PCDH15: variants seen among roughly 807,000 people sequenced by gnomAD.
PCDH15 encodes the protein protocadherin related 15.
PCDH15 carries 129 observed loss-of-function variants against 178.5 expected under a neutral mutation model. That is an observed-to-expected ratio of 0.72 (90% CI 0.63 to 0.84). PCDH15 has a LOEUF of 0.84. PCDH15 is among the 40% of genes least tolerant of loss of function. The pLI, the probability that PCDH15 is intolerant of heterozygous loss-of-function variation, is 0.00. For missense variants in PCDH15, 2,230 were observed against 2,099.9 expected (o/e 1.06, Z -1.21); for synonymous variants, 800 against 732.0 (o/e 1.09, Z -1.50).
rs962986616 is a variant in PCDH15, at chr10:55,353,088, A to G, written c.-155-186437T>C. Among the ~76,000 whole-genome samples the G allele has an allele frequency of 1.4e-4, 21 of 152,242 alleles. 1 individual carries two copies. The highest frequency in any genetic ancestry group is 4.8e-4 in the African/African-American group (20 of 41,560). On this transcript the variant is annotated intron_variant, in intron 2 of 5. Coordinates refer to the PCDH15 transcript ENST00000613346. ...GTTATGAAGTTTTGCCTCATCTACC[A>G]TATTCATCTGATGTCTGACCATCCG...
intron 3 of PCDH15, among the ~76,000 whole-genome samples, chr10:54,401,625 A>G (rs999604247): frequency 6.6e-6 from 1 of 151,886 alleles, no homozygotes; most frequent in Non-Finnish European, 1.5e-5. Flanking sequence ...GAAAGAAATT[A>G]CAGAAATCTA....
chr10:55,111,696 A>T (rs1837508906), intron 2 of PCDH15, among the ~76,000 whole-genome samples: 1 of 152,086 alleles, frequency 6.6e-6, no homozygotes, highest in African/African-American at 2.4e-5. Flanking sequence ...ATACAAAATT[A>T]GCCAGGCGTG....
intron 1 of PCDH15, among the ~76,000 whole-genome samples, chr10:55,213,480 T>C (rs961733627): frequency 6.6e-6 from 1 of 152,054 alleles, no homozygotes; most frequent in African/African-American, 2.4e-5. Flanking sequence ...ATTTTGTTAA[T>C]GTTTATAATA....
chr10:54,822,749 C>T (rs1389528121), intron 3 of PCDH15, among the ~76,000 whole-genome samples: 2 of 151,880 alleles, frequency 1.3e-5, no homozygotes, highest in African/African-American at 2.4e-5. Context: ...TACATTCCTG[C>T]GAACAGGAAT....
chr10:55,000,569 C>A (rs148465462), intron 2 of PCDH15, among the ~76,000 whole-genome samples: 6 of 151,934 alleles, frequency 3.9e-5, no homozygotes, highest in Admixed American at 1.3e-4. Flanking sequence ...ATGAAAATGA[C>A]GGGATTAAGA....
intron 2 of PCDH15, among the ~76,000 whole-genome samples, chr10:55,097,163 C>T (rs1042014553): frequency 6.6e-6 from 1 of 152,060 alleles, no homozygotes; most frequent in African/African-American, 2.4e-5. Flanking sequence ...CACTTACTAA[C>T]CAAGTATAAA....
At chr10:54,503,264 T>TGTGTGGGA (rs35648214) in intron 3 of PCDH15, among the ~76,000 whole-genome samples, 4 of 137,378 alleles carry the variant, frequency 2.9e-5, no homozygotes, top group Middle Eastern at 3.4e-3. Flanking sequence ...TGTGTGTGTG[T>TGTGTGGGA]GATTATATAT....
chr10:55,448,588 T>C (rs1839367798), intron 2 of PCDH15, among the ~76,000 whole-genome samples: 1 of 151,996 alleles, frequency 6.6e-6, no homozygotes, highest in African/African-American at 2.4e-5. Context: ...TTCTTACTAG[T>C]TATTGCAGAC....
chr10:54,521,855 C>T (rs186626531), intron 3 of PCDH15, among the ~76,000 whole-genome samples: 1 of 151,730 alleles, frequency 6.6e-6, no homozygotes, highest in Non-Finnish European at 1.5e-5. Context: ...TTTGGGAGGC[C>T]GAGGCGGGTG....
In PCDH15 at chr10:54,020,089, A is replaced by G. The variant is rs890629171; in HGVS notation, c.2751+103T>C. ...GTTATGGGTCTGGTACCACTGTGTC[A>G]TTAGGAATTGTTATCAAAACATATT... On this transcript the variant is annotated intron_variant, in intron 20 of 37. Coordinates refer to ENST00000644397, the MANE Select transcript of PCDH15 (RefSeq NM_001384140.1). 18 of 971,606 alleles carry G rather than the reference A, an allele frequency of 1.9e-5. No individual in the cohort carries two copies. The Admixed American group carries it at 2.7e-4, about 14-fold the overall frequency. 60.2% of individuals were successfully genotyped at this position (971,606 alleles called of 1,614,324 possible).
At chr10:55,424,158 C>A (rs1246116965) in intron 2 of PCDH15, among the ~76,000 whole-genome samples, 2 of 152,096 alleles carry the variant, frequency 1.3e-5, no homozygotes, top group Non-Finnish European at 2.9e-5. Context: ...CAAAAAGGAA[C>A]TCTAAAAGTG....
intron 32 of PCDH15, among the ~76,000 whole-genome samples, chr10:53,824,137 T>TTGA (rs2076511041): frequency 1.1e-5 from 1 of 90,852 alleles, no homozygotes; most frequent in South Asian, 5.1e-4. Flanking sequence ...AACAAAAAGA[T>TTGA]TGATGCTAAA....
At chr10:54,316,098 T>G (rs1021941656) in intron 8 of PCDH15, among the ~76,000 whole-genome samples, 8 of 150,524 alleles carry the variant, frequency 5.3e-5, no homozygotes, top group Non-Finnish European at 7.4e-5. Flanking sequence ...ATACTTCATT[T>G]GGCTGAAAAC....
At chr10:55,579,827 G>GT (rs937105135) in intron 2 of PCDH15, among the ~76,000 whole-genome samples, 1 of 151,716 alleles carries the variant, frequency 6.6e-6, no homozygotes, top group African/African-American at 2.4e-5. Context: ...TGTTTGTTAT[G>GT]TTTTTTATTT....
chr10:54,168,981 G>A lies in PCDH15; in HGVS notation c.1590+14463C>T, dbSNP rs1477049621. ...AAAAGAACTTCCAAATGCCTGAACC[G>A]CAGCGGCCAGGCGTTCCTCCAGAAC... On this transcript the variant is annotated intron_variant, in intron 13 of 37. Transcript: ENST00000644397. Among the ~76,000 whole-genome samples, 28 of 152,072 alleles carry A rather than the reference G, an allele frequency of 1.8e-4. 1 individual carries two copies. Among genetic ancestry groups the A allele is most frequent in the Middle Eastern group, 3.2e-3 (1 of 316 alleles).
intron 3 of PCDH15, among the ~76,000 whole-genome samples, chr10:54,416,665 G>A (rs1954450434): frequency 6.6e-6 from 1 of 152,124 alleles, no homozygotes; most frequent in Admixed American, 6.5e-5. Flanking sequence ...TGGGTCAAAT[G>A]GTATTTCTGG....
chr10:54,371,348 CATTA>C (rs1354599862), intron 4 of PCDH15, among the ~76,000 whole-genome samples: 3 of 151,814 alleles, frequency 2.0e-5, no homozygotes, highest in South Asian at 4.2e-4. Flanking sequence ...GCATACTGTA[CATTA>C]ATTAATAATA....
At chr10:54,645,324 A>G (rs1163136023) in intron 2 of PCDH15, among the ~76,000 whole-genome samples, 1 of 152,130 alleles carries the variant, frequency 6.6e-6, no homozygotes, top group African/African-American at 2.4e-5. Flanking sequence ...AGACAGAGAG[A>G]GAGAGAGAAA....
At chr10:55,077,843 G>A (rs906797407) in intron 2 of PCDH15, among the ~76,000 whole-genome samples, 7 of 152,050 alleles carry the variant, frequency 4.6e-5, no homozygotes, top group African/African-American at 1.2e-4. Flanking sequence ...CACCGTGCCC[G>A]GCCAGTGGTT....
Sources: gnomAD v4.1 joint callset for allele counts (sites outside exome capture counted in the v4.1 genomes callset) on GRCh38, gnomAD v4.1.1 for gene constraint, MANE v1.5 for transcripts, NCBI Gene and HGNC (gene_info 2026-07-23, HGNC 2026-07-21) for gene names.